The following FOXP1 variants were observed in gnomAD, a reference collection of about 807,000 sequenced individuals.
The protein encoded by FOXP1 is forkhead box protein P1.
In FOXP1, 15 loss-of-function variants were observed where a neutral mutation model predicts 98.2. The observed-to-expected ratio is 0.15, with a 90% CI of 0.10 to 0.24. The LOEUF (loss-of-function observed/expected upper bound fraction) is 0.24, where lower values mean the gene tolerates loss of function less well. FOXP1 is among the 10% of genes least tolerant of loss of function. FOXP1 has a pLI of 1.00. For missense variants in FOXP1, 633 were observed against 848.5 expected, an observed-to-expected ratio of 0.75 and a Z score of 3.15; for synonymous variants, 371 against 314.5, an observed-to-expected ratio of 1.18 and a Z score of -1.90.
intron 3 of FOXP1, among the ~76,000 whole-genome samples, chr3:71,425,385 C>T (rs941581744): frequency 6.6e-6 from 1 of 152,142 alleles, no homozygotes; most frequent in African/African-American, 2.4e-5. Flanking sequence ...CTTGGCCTCC[C>T]AAAGTGCTGG....
intron 6 of FOXP1, among the ~76,000 whole-genome samples, chr3:71,158,728 A>AG (rs10704214): frequency 0.24 from 3,030 of 12,536 alleles, 111 homozygotes; most frequent in African/African-American, 0.3. Context: ...CCCACAGACC[A>AG]AAAAAAAAAA....
chr3:71,023,908 T>C (rs537044823), intron 11 of FOXP1, among the ~76,000 whole-genome samples: 1 of 152,236 alleles, frequency 6.6e-6, no homozygotes, highest in African/African-American at 2.4e-5. Flanking sequence ...TGAAACTTGA[T>C]CGCAACGACC....
intron 3 of FOXP1, among the ~76,000 whole-genome samples, chr3:71,406,405 G>A (rs13099575): frequency 0.42 from 43,774 of 103,538 alleles, 11,358 homozygotes; most frequent in African/African-American, 0.56. Flanking sequence ...AACTGTATGT[G>A]TATATATATA....
Position 71,057,809 on chromosome 3 carries a change from G to C in FOXP1, c.283-4036C>G, listed in dbSNP as rs141223377. 2.0e-4 allele frequency among the ~76,000 whole-genome samples: 31 copies of C among 152,226 alleles called. 1 individual carries two copies. In the South Asian group the frequency reaches 6.2e-3, roughly 31 times the overall value. On this transcript the variant is annotated intron_variant, in intron 7 of 20. Coordinates refer to ENST00000649528, the MANE Select transcript of FOXP1 (RefSeq NM_001349338.3). Reference sequence around the variant, plus strand: ...CGATCCCAGGTGCACCCAAACCTGCGGGAATGGCAGAAATACAGCTGTGCT... The same window carrying C: ...CGATCCCAGGTGCACCCAAACCTGCCGGAATGGCAGAAATACAGCTGTGCT...
upstream of FOXP1, chr3:71,583,893 C>T (rs907430123): frequency 3.0e-5 from 30 of 985,192 alleles, no homozygotes; most frequent in Admixed American, 1.2e-4. Flanking sequence ...CAGGGGTCCC[C>T]TCTCCGCTTC....
intron 10 of FOXP1, 58 bp downstream of exon 10, chr3:71,046,884 C>A: frequency 1.3e-6 from 2 of 1,588,758 alleles, no homozygotes. Context: ...AAGAGACAAC[C>A]CACCACCTCC....
chr3:71,372,523 T>C (rs1027032073), intron 3 of FOXP1, among the ~76,000 whole-genome samples: 1 of 152,092 alleles, frequency 6.6e-6, no homozygotes, highest in Non-Finnish European at 1.5e-5. Context: ...AGAGTTCTCC[T>C]GGTGGAGCTG....
chr3:71,375,279 A>C (rs911325463), intron 3 of FOXP1, among the ~76,000 whole-genome samples: 1 of 152,172 alleles, frequency 6.6e-6, no homozygotes, highest in Non-Finnish European at 1.5e-5. Flanking sequence ...TGAGAAGAAA[A>C]CCCAAGGGAT....
At chr3:71,064,008 C>T (rs2051952673) in intron 7 of FOXP1, among the ~76,000 whole-genome samples, 1 of 152,196 alleles carries the variant, frequency 6.6e-6, no homozygotes, top group Non-Finnish European at 1.5e-5. Context: ...GAGTTAGCTA[C>T]ATTCAGAGCC....
Position 70,959,061 on chromosome 3 carries a change from C to A in FOXP1, c.*186G>T. 1 of 649,438 alleles carries A rather than the reference C, an allele frequency of 1.5e-6. No homozygotes were observed. The highest frequency in any genetic ancestry group is 2.0e-5 in the South Asian group (1 of 50,826). 40.2% of individuals were successfully genotyped at this position (649,438 alleles called of 1,614,324 possible). On this transcript the variant is annotated 3_prime_UTR_variant, in exon 21 of 21. Transcript: ENST00000649528. ...TTTTTTCAACAAAAAGTAGAAAAAT[C>A]AAAAATACTCCCAAATGGGGTTCTT...
intron 3 of FOXP1, among the ~76,000 whole-genome samples, chr3:71,483,478 A>G (rs1326645090): frequency 6.6e-6 from 1 of 152,216 alleles, no homozygotes; most frequent in Non-Finnish European, 1.5e-5. Context: ...CGCGTGGGCC[A>G]CATCCAACCT....
intron 2 of FOXP1, among the ~76,000 whole-genome samples, chr3:71,512,535 T>A (rs1157422957): frequency 1.3e-5 from 2 of 152,188 alleles, no homozygotes; most frequent in Non-Finnish European, 2.9e-5. Flanking sequence ...CACACTTAAG[T>A]AGTACATATT....
At chr3:71,463,444 G>A (rs1163635470) in intron 3 of FOXP1, among the ~76,000 whole-genome samples, 1 of 151,606 alleles carries the variant, frequency 6.6e-6, no homozygotes, top group Non-Finnish European at 1.5e-5. Context: ...CCTACCACAT[G>A]GCTATGGGTT....
intron 3 of FOXP1, among the ~76,000 whole-genome samples, chr3:71,421,781 T>A (rs13101209): frequency 0.18 from 26,993 of 152,116 alleles, 2,559 homozygotes; most frequent in South Asian, 0.31. Context: ...TCAGAATGGC[T>A]GACTTACTCT....
intron 7 of FOXP1, among the ~76,000 whole-genome samples, chr3:71,070,173 T>A (rs988071067): frequency 2.6e-5 from 4 of 152,204 alleles, no homozygotes; most frequent in Admixed American, 2.6e-4. Flanking sequence ...TTAAGACATT[T>A]AAACAAAATG....
At chr3:71,581,824 G>A (rs1464292764) in intron 1 of FOXP1, 127 bp from the exon 2 acceptor site, 2 of 986,108 alleles carry the variant, frequency 2.0e-6, no homozygotes, top group Admixed American at 6.1e-5. Flanking sequence ...GGGCTCCGAG[G>A]ACCCGCGAGT....
chr3:70,958,196 C>CAAA lies in FOXP1; in HGVS notation c.*1048_*1050dup, dbSNP rs747818299. 68 of 316,448 alleles carry CAAA rather than the reference C, an allele frequency of 2.1e-4. No homozygotes were observed. Among genetic ancestry groups the CAAA allele is most frequent in the African/African-American group, 1.1e-3 (41 of 38,164 alleles). The allele number at this position is 316,448 out of a possible 1,614,324, so 19.6% of individuals were successfully genotyped here. A position where few individuals can be genotyped will look rare whatever the true frequency, so the allele number is the denominator to read the frequency against. The stretch of plus-strand genomic sequence containing the variant: ...TGGTGGCATTTATTAATGGTTGCTG[C>CAAA]AAAAAAAAAAAAAGAAAAGAAAAGA... On this transcript the variant is annotated 3_prime_UTR_variant, in exon 21 of 21. Coordinates refer to ENST00000649528, the MANE Select transcript of FOXP1 (RefSeq NM_001349338.3).
chr3:71,367,039 G>C (rs2078973335), intron 3 of FOXP1, among the ~76,000 whole-genome samples: 1 of 152,088 alleles, frequency 6.6e-6, no homozygotes, highest in Non-Finnish European at 1.5e-5. Context: ...AAACAGTTCT[G>C]AGTCATTTGC....
At chr3:71,322,062 T>A (rs1383411936) in intron 4 of FOXP1, among the ~76,000 whole-genome samples, 1 of 152,246 alleles carries the variant, frequency 6.6e-6, no homozygotes, top group African/African-American at 2.4e-5. Context: ...GGATTTTTAT[T>A]TGTATATGTG....
Sources: gnomAD v4.1 joint callset for allele counts (sites outside exome capture counted in the v4.1 genomes callset) on GRCh38, gnomAD v4.1.1 for gene constraint, MANE v1.5 for transcripts, NCBI Gene and HGNC (gene_info 2026-07-23, HGNC 2026-07-21) for gene names.